Variants in MXRA5 observed in about 807,000 individuals in gnomAD.
The protein encoded by MXRA5 is matrix remodeling associated 5.
MXRA5 carries 41 observed loss-of-function variants against 112.5 expected under a neutral mutation model. That is an observed-to-expected ratio of 0.36 (90% CI 0.28 to 0.47). MXRA5 has a LOEUF of 0.47. MXRA5 is among the 20% of genes least tolerant of loss of function. MXRA5 has a pLI of 0.99. For synonymous variants in MXRA5, 862 were observed against 900.8 expected, an observed-to-expected ratio of 0.96 and a Z score of 0.77; for missense variants, 2,150 against 2,251.0, an observed-to-expected ratio of 0.96 and a Z score of 0.91.
rs776090640 is a variant in MXRA5 at position 3,317,266 on chromosome X, C to T, written c.6415G>A (p.Val2139Met). ...GSARRTVQLNVQRAAANARIT... is the reference protein window; with the variant it reads ...GSARRTVQLNMQRAAANARIT... ...CGCGCGTTGGCTGCTGCACGCTGCACGTTCAGCTGCACCGTCCTGCGCGCG... is the reference window on the plus strand; with the variant it reads ...CGCGCGTTGGCTGCTGCACGCTGCATGTTCAGCTGCACCGTCCTGCGCGCG... The change falls in exon 6 of 7, where the codon GTG becomes ATG. Residue 2139 changes from valine to methionine, a missense_variant. Val to Met is a conservative substitution (Grantham distance 21). Coordinates refer to ENST00000217939, the MANE Select transcript of MXRA5 (RefSeq NM_015419.4). 3 of 1,209,579 alleles carry T rather than the reference C, an allele frequency of 2.5e-6. No homozygotes were observed. The South Asian group carries it at 5.3e-5, about 21-fold the overall frequency.
Position 3,320,923 on chromosome X carries a change from G to A in MXRA5, c.4762C>T (p.Arg1588Cys). The A allele has an allele frequency of 1.7e-6, 2 of 1,211,739 alleles. No individual in the cohort carries two copies. The highest frequency in any genetic ancestry group is 2.2e-6 in the Non-Finnish European group (2 of 895,491). The change falls in exon 5 of 7, where the codon CGT (arginine) becomes TGT (cysteine). Residue 1588 changes from arginine to cysteine, a missense_variant. Arg to Cys is a radical substitution (Grantham distance 180). Coordinates refer to ENST00000217939, the MANE Select transcript of MXRA5 (RefSeq NM_015419.4). The part of the protein sequence containing the change: ...KQVFGSRSLP[R>C]GPDSQRQDGR... ...TCCTGGCGTTGGCTATCTGGGCCACGTGGTAGACTCCTACTACCAAATACT... is the reference window on the plus strand; with the variant it reads ...TCCTGGCGTTGGCTATCTGGGCCACATGGTAGACTCCTACTACCAAATACT...
chrX:3,323,163 G>T lies in MXRA5; in HGVS notation c.2522C>A (p.Ser841Tyr), dbSNP rs1482902670. Residue 841 changes from serine to tyrosine, a missense_variant, in exon 5 of 7, where the codon TCC becomes TAC. Physicochemically the swap from Ser to Tyr is moderately radical, Grantham distance 144. Around this residue, in one of 6 missense-constraint regions of MXRA5, gnomAD observed 1,485 missense variants for 1,471.6 expected, o/e 1.01. Coordinates refer to ENST00000217939, the MANE Select transcript of MXRA5 (RefSeq NM_015419.4). ...ACCAAGTAGAGGTACATCTGCTGAGGATTCTTCAGCACTGGTTACTGTCTG... is the reference window on the plus strand; with the variant it reads ...ACCAAGTAGAGGTACATCTGCTGAGTATTCTTCAGCACTGGTTACTGTCTG... ...PVQTVTSAEE[S>Y]SADVPLLGEE... 53 of 1,209,522 alleles carry T rather than the reference G, an allele frequency of 4.4e-5. No homozygotes were observed. The highest frequency in any genetic ancestry group is 5.6e-5 in the Non-Finnish European group (50 of 895,218).
chrX:3,324,837 G>A lies in MXRA5; in HGVS notation c.848C>T (p.Pro283Leu). ...MTCLKPSIES[P>L]LRQNRSRSIE... ...ACTCCTGCTCCTGTTCTGTCTCAGA[G>A]GGGACTCTATTGAAGGCTTCAGACA... Residue 283 changes from proline to leucine, a missense_variant, in exon 5 of 7, where the codon CCT becomes CTT. This residue lies in a region of MXRA5 where 386 missense variants were observed against 411.0 expected (regional missense o/e 0.94). Transcript: ENST00000217939. 1 of 1,211,760 alleles carries A rather than the reference G, an allele frequency of 8.3e-7. No homozygotes were observed. The highest frequency in any genetic ancestry group is 1.7e-5 in the African/African-American group (1 of 57,824).
chrX:3,341,021 T>TGTTATACATA (rs1921908977), intron 2 of MXRA5, among the ~76,000 whole-genome samples: 2 of 80,596 alleles, frequency 2.5e-5, no homozygotes, highest in Non-Finnish European at 4.6e-5. Flanking sequence ...ATACATGATA[T>TGTTATACATA]ATATAATGTA....
intron 5 of MXRA5, among the ~76,000 whole-genome samples, chrX:3,318,280 C>G (rs1344473527): frequency 2.7e-5 from 3 of 111,291 alleles, no homozygotes; most frequent in African/African-American, 9.8e-5. Context: ...GTAGCTGGGG[C>G]TACAGGTGCA....
chrX:3,343,265 T>G (rs1193239689), intron 2 of MXRA5, among the ~76,000 whole-genome samples: 1 of 112,508 alleles, frequency 8.9e-6, no homozygotes, highest in Non-Finnish European at 1.9e-5. Context: ...TTTTTATTAT[T>G]CTTAAATCGT....
At position 3,309,757 on chromosome X, in the gene MXRA5, G is replaced by T. The variant is rs1406262052; in HGVS notation, c.8446C>A (p.Leu2816Ile). 1.6e-5 allele frequency: 19 copies of T among 1,209,922 alleles called. No homozygotes were observed. The highest frequency in any genetic ancestry group is 4.6e-4 in the Middle Eastern group (2 of 4,372). The change falls in exon 7 of 7, where the codon CTC becomes ATC. Residue 2816 changes from leucine to isoleucine, a missense_variant. This residue lies in a region of MXRA5 where 178 missense variants were observed against 198.2 expected (regional missense o/e 0.90). Coordinates refer to ENST00000217939, the MANE Select transcript of MXRA5 (RefSeq NM_015419.4). ...GFYKCMAKNILGSDSKTTYIH... is the reference protein window; with the variant it reads ...GFYKCMAKNIIGSDSKTTYIH... ...TAAGTTGTTTTGGAGTCACTGCCGA[G>T]AATGTTTTTTGCCATGCACTTGTAG... is the stretch of plus-strand genomic sequence containing the variant.
At position 3,330,165 on chromosome X, in the gene MXRA5, G is replaced by A; in HGVS notation, c.562C>T (p.Leu188Phe). Residue 188 changes from leucine to phenylalanine, a missense_variant, in exon 4 of 7, where the codon CTC (leucine) becomes TTC (phenylalanine). Leu to Phe is a conservative substitution (Grantham distance 22, BLOSUM62 0). Transcript: ENST00000217939. ...CTAACCATGTTCTCTGCTAAGTAGA[G>A]GTGCCTTATGGTGGAGAGTCTGAAA... ...DYFRLSTIRH[L>F]YLAENMVRTL... 3 of 1,208,604 alleles carry A rather than the reference G, an allele frequency of 2.5e-6. No homozygotes were observed. The highest frequency in any genetic ancestry group is 3.4e-6 in the Non-Finnish European group (3 of 893,810).
chrX:3,321,633 G>A lies in MXRA5; in HGVS notation c.4052C>T (p.Ala1351Val), dbSNP rs141965357. The change falls in exon 5 of 7, where the codon GCC (alanine) becomes GTC (valine). Residue 1351 changes from alanine to valine, a missense_variant. Physicochemically the swap from Ala to Val is moderately conservative, Grantham distance 64. Around this residue, in one of 6 missense-constraint regions of MXRA5, gnomAD observed 1,485 missense variants for 1,471.6 expected, o/e 1.01. Coordinates refer to ENST00000217939, the MANE Select transcript of MXRA5 (RefSeq NM_015419.4). ...ILVTGESITN[A>V]IPTSRSLVST... ...GACCAAGGAGCGAGAAGTTGGTATG[G>A]CATTAGTAATTGATTCACCAGTGAC... 5.7e-3 allele frequency: 6,931 copies of A among 1,209,305 alleles called. 254 individuals are homozygous for A. The African/African-American group carries it at 0.1, about 18-fold the overall frequency.
Position 3,310,100 on chromosome X carries a change from G to A in MXRA5, c.8103C>T (p.Ala2701=), listed in dbSNP as rs1920971273. ...LDNGTLTVRE[A]SVFDRGTYVC... is the part of the protein sequence containing the mutation. The stretch of plus-strand genomic sequence containing the variant: ...CATAGGTACCCCTGTCAAACACCGA[G>A]GCCTCACGAACCGTGAGGGTGCCAT... Residue 2701 remains alanine (A), a synonymous_variant, in exon 7 of 7, where the codon GCC becomes GCT. Transcript: ENST00000217939. 1 of 1,209,415 alleles carries A rather than the reference G, an allele frequency of 8.3e-7. No homozygotes were observed. The highest frequency in any genetic ancestry group is 1.8e-5 in the African/African-American group (1 of 57,005).
chrX:3,322,113 TTAA>T lies in MXRA5; in HGVS notation c.3569_3571del (p.Ile1190del). The stretch of plus-strand genomic sequence containing the variant: ...AGAACTCTCCACTTGACTTGAAATC[TTAA>T]TGTCAGGTGCTTGAGTTGGTTGAGT... On this transcript the variant is annotated inframe_deletion, in exon 5 of 7. Transcript: ENST00000217939. 8.3e-7 allele frequency: 1 copy of T among 1,208,675 alleles called. No individual in the cohort carries two copies. The highest frequency in any genetic ancestry group is 1.1e-6 in the Non-Finnish European group (1 of 893,546).
At chrX:3,331,646 C>T (rs929335319) in intron 2 of MXRA5, among the ~76,000 whole-genome samples, 2 of 112,340 alleles carry the variant, frequency 1.8e-5, no homozygotes, top group African/African-American at 3.2e-5. Context: ...ATCAAAGTTA[C>T]TCGTAGACAT....
intron 2 of MXRA5, among the ~76,000 whole-genome samples, chrX:3,335,290 G>A (rs1397673708): frequency 6.3e-5 from 7 of 111,305 alleles, no homozygotes; most frequent in Non-Finnish European, 1.3e-4. Context: ...TCTGCCTCCC[G>A]GATTCAAGCA....
Position 3,320,214 on chromosome X carries a change from T to C in MXRA5, c.5471A>G (p.Gln1824Arg), listed in dbSNP as rs1270553662. The C allele has an allele frequency of 2.5e-6, 3 of 1,211,067 alleles. No individual in the cohort carries two copies. The highest frequency in any genetic ancestry group is 3.4e-6 in the Non-Finnish European group (3 of 895,290). Residue 1824 changes from glutamine to arginine, a missense_variant, in exon 5 of 7, where the codon CAG becomes CGG. This residue lies in a region of MXRA5 where 1,485 missense variants were observed against 1,471.6 expected (regional missense o/e 1.01). Coordinates refer to ENST00000217939, the MANE Select transcript of MXRA5 (RefSeq NM_015419.4). The stretch of plus-strand genomic sequence containing the variant: ...GCTCTGGTGGAAGCTTCCTGAGGAC[T>C]GGACAGAAGATGTTATAAAGGAGAT... ...SSISFITSSV[Q>R]SSGSFHQSSS...
rs73430286 is a variant in MXRA5, at chrX:3,318,075, A to G, written c.5678-72T>C. 683 of 875,399 alleles carry G rather than the reference A, an allele frequency of 7.8e-4. 2 individuals are homozygous for G. Among genetic ancestry groups the G allele is most frequent in the African/African-American group, 7.3e-3 (356 of 48,737 alleles). 72.1% of individuals were successfully genotyped at this position (875,399 alleles called of 1,213,427 possible). A position where few individuals can be genotyped will look rare whatever the true frequency, so the allele number is the denominator to read the frequency against. On this transcript the variant is annotated intron_variant, in intron 5 of 6. Coordinates refer to ENST00000217939, the MANE Select transcript of MXRA5 (RefSeq NM_015419.4). ...TGATAATGCTCAAACGAGCAGTATT[A>G]GTTAATCTAATTCTCCACTTTAACA...
intron 4 of MXRA5, among the ~76,000 whole-genome samples, chrX:3,325,669 A>T (rs1921442251): frequency 1.9e-5 from 2 of 103,268 alleles, no homozygotes; most frequent in Admixed American, 2.3e-4. Context: ...TATAAATAAT[A>T]TGTAAATTAA....
Position 3,311,242 on chromosome X carries a change from C to A in MXRA5, c.6961G>T (p.Asp2321Tyr). ...FNEVGMREEG[D>Y]YTCFAENQVG... ...TGATTTTCAGCAAAGCAGGTGTAGT[C>A]TCCTTCCTCCCTCATCCCCACTTCG... The change falls in exon 7 of 7, where the codon GAC becomes TAC. Residue 2321 changes from aspartate to tyrosine, a missense_variant. By Grantham distance (160) the Asp-to-Tyr change is radical. Coordinates refer to ENST00000217939, the MANE Select transcript of MXRA5 (RefSeq NM_015419.4). 8.3e-7 allele frequency: 1 copy of A among 1,211,632 alleles called. No individual in the cohort carries two copies. Among genetic ancestry groups the A allele is most frequent in the Non-Finnish European group, 1.1e-6 (1 of 895,500 alleles).
In MXRA5 at chrX:3,321,667, C is replaced by T. The variant is rs1174197747; in HGVS notation, c.4018G>A (p.Asp1340Asn). 2.5e-6 allele frequency: 3 copies of T among 1,210,864 alleles called. No individual in the cohort carries two copies. Among genetic ancestry groups the T allele is most frequent in the Non-Finnish European group, 3.4e-6 (3 of 894,763 alleles). ...ATTGATTCACCAGTGACTAAAATGT[C>T]ACTTTTATGTTTGTCAACATTTGTG... ...VATNVDKHKSDILVTGESITN... is the reference protein window; with the variant it reads ...VATNVDKHKSNILVTGESITN... Residue 1340 changes from aspartate (D) to asparagine (N), a missense_variant, in exon 5 of 7, where the codon GAC becomes AAC. Around this residue, in one of 6 missense-constraint regions of MXRA5, gnomAD observed 1,485 missense variants for 1,471.6 expected, o/e 1.01. Transcript: ENST00000217939.
rs931909839 is a variant in MXRA5, at chrX:3,334,945, A to T, written c.189-4172T>A. On this transcript the variant is annotated intron_variant, in intron 2 of 6. Transcript: ENST00000217939. Reference sequence around the variant, plus strand: ...AGATATTGATAGCCTCTCCCGCCTCAGTTAATCGTCCCTGAATGCAAGGTA... The same window carrying T: ...AGATATTGATAGCCTCTCCCGCCTCTGTTAATCGTCCCTGAATGCAAGGTA... Among the ~76,000 whole-genome samples, 12 of 111,668 alleles carry T rather than the reference A, an allele frequency of 1.1e-4. 1 individual carries two copies. Among genetic ancestry groups the T allele is most frequent in the Admixed American group, 8.5e-4 (9 of 10,530 alleles).
Sources: allele counts gnomAD v4.1 joint callset (sites outside exome capture counted in the v4.1 genomes callset), GRCh38; gene constraint gnomAD v4.1.1; regional missense constraint gnomAD v4.1.1; transcripts MANE v1.5; gene names NCBI Gene and HGNC (gene_info 2026-07-23, HGNC 2026-07-21).